The following COL28A1 variants were observed in gnomAD, a reference collection of about 807,000 sequenced individuals.
COL28A1 encodes collagen alpha-1(XXVIII) chain.
COL28A1 carries 161 observed loss-of-function variants against 150.2 expected under a neutral mutation model. The ratio of observed to expected loss-of-function variants is 1.07; its 90% CI spans 0.94 to 1.22. COL28A1 has a LOEUF of 1.22. COL28A1 is among the 50% of genes most tolerant of loss of function. The pLI, the probability that COL28A1 is intolerant of heterozygous loss-of-function variation, is 0.00. For synonymous variants in COL28A1, 552 were observed against 469.7 expected (o/e 1.18, Z -2.26); for missense variants, 1,617 against 1,388.3 (o/e 1.16, Z -2.62).
At chr7:7,525,707 C>T (rs779604084) in intron 3 of COL28A1, among the ~76,000 whole-genome samples, 9 of 152,006 alleles carry the variant, frequency 5.9e-5, no homozygotes, top group African/African-American at 9.7e-5. Context: ...TATAGAGGGA[C>T]GAGATAACAA....
intron 27 of COL28A1, among the ~76,000 whole-genome samples, chr7:7,407,679 A>T (rs1008443135): frequency 3.3e-5 from 5 of 152,118 alleles, no homozygotes; most frequent in African/African-American, 9.6e-5. Context: ...TACCAAAAAA[A>T]ATTCTAAAGA....
At chr7:7,515,128 A>G (rs371034135) in intron 8 of COL28A1, among the ~76,000 whole-genome samples, 64 of 152,300 alleles carry the variant, frequency 4.2e-4, no homozygotes, top group African/African-American at 1.4e-3. Context: ...TGATAGGTGC[A>G]TGTTCTGATT....
At chr7:7,506,857 C>A (rs1224527258) in intron 10 of COL28A1, among the ~76,000 whole-genome samples, 1 of 152,150 alleles carries the variant, frequency 6.6e-6, no homozygotes, top group South Asian at 2.1e-4. Context: ...AACTTCATCC[C>A]CTAAGCTGCT....
At chr7:7,352,352 G>A (rs1780249652), downstream of COL28A1, among the ~76,000 whole-genome samples, 1 of 152,192 alleles carries the variant, frequency 6.6e-6, no homozygotes, top group East Asian at 1.9e-4. Flanking sequence ...TGGCCCCAGA[G>A]ATGTCTGCTC....
At chr7:7,407,400 A>G (rs1783547610) in intron 27 of COL28A1, among the ~76,000 whole-genome samples, 3 of 151,986 alleles carry the variant, frequency 2.0e-5, no homozygotes, top group Non-Finnish European at 4.4e-5. Flanking sequence ...AACACATAAT[A>G]GTAAGAATGC....
At chr7:7,475,760 C>CA (rs1788816445) in intron 14 of COL28A1, among the ~76,000 whole-genome samples, 1 of 151,932 alleles carries the variant, frequency 6.6e-6, no homozygotes, top group Admixed American at 6.6e-5. Context: ...TACTAAGTGC[C>CA]AAAAAAATCT....
At chr7:7,511,515 G>C in intron 8 of COL28A1, 2 of 276,620 alleles carry the variant, frequency 7.2e-6, no homozygotes, top group Non-Finnish European at 1.4e-5. Context: ...TTTTATAATT[G>C]AGAACATTTA....
At chr7:7,432,189 T>C (rs1425221994) in intron 25 of COL28A1, among the ~76,000 whole-genome samples, 4 of 151,936 alleles carry the variant, frequency 2.6e-5, no homozygotes, top group Non-Finnish European at 5.9e-5. Context: ...AGAGTATGGC[T>C]AGAGGAGAGA....
chr7:7,373,607 G>T lies in COL28A1; in HGVS notation c.2360-61C>A. ...AATGATTGACATCAGATTGTTGAGG[G>T]GAGGGGAGAAAAAGTCAATGATGAA... On this transcript the variant is annotated intron_variant, in intron 31 of 34. Transcript: ENST00000399429. This position sits in a 1 kb window ranked among gnomAD's most constrained non-coding sequence, Gnocchi z 4.1. 7.1e-7 allele frequency: 1 copy of T among 1,415,356 alleles called. No individual in the cohort carries two copies. Among genetic ancestry groups the T allele is most frequent in the Non-Finnish European group, 9.7e-7 (1 of 1,031,738 alleles). 87.7% of individuals were successfully genotyped at this position (1,415,356 alleles called of 1,614,324 possible).
At chr7:7,365,087 A>C (rs966499744) in intron 33 of COL28A1, among the ~76,000 whole-genome samples, 1 of 152,198 alleles carries the variant, frequency 6.6e-6, no homozygotes, top group Non-Finnish European at 1.5e-5. Context: ...CGACTGGCAG[A>C]ATACACACCC....
At chr7:7,501,697 C>A (rs1780535082) in intron 11 of COL28A1, among the ~76,000 whole-genome samples, 1 of 152,034 alleles carries the variant, frequency 6.6e-6, no homozygotes, top group African/African-American at 2.4e-5. Flanking sequence ...AGGCCTTTTT[C>A]AAGGGTCACA....
the COL28A1 span, among the ~76,000 whole-genome samples, chr7:7,345,252 TA>T: frequency 6.6e-6 from 1 of 151,786 alleles, no homozygotes; most frequent in African/African-American, 2.4e-5. Flanking sequence ...GAGAGAAAAA[TA>T]AAAGTTTCTC....
At chr7:7,486,510 G>A (rs1483072636) in intron 13 of COL28A1, among the ~76,000 whole-genome samples, 1 of 152,140 alleles carries the variant, frequency 6.6e-6, no homozygotes, top group African/African-American at 2.4e-5. Context: ...TCTTTGTCTT[G>A]TTCCTGATCT....
In COL28A1 at chr7:7,373,569, G is replaced by C. The variant is rs1781354007; in HGVS notation, c.2360-23C>G. 4 of 1,577,676 alleles carry C rather than the reference G, an allele frequency of 2.5e-6. No individual in the cohort carries two copies. Among genetic ancestry groups the C allele is most frequent in the Non-Finnish European group, 3.4e-6 (4 of 1,160,080 alleles). On this transcript the variant is annotated intron_variant, in intron 31 of 34. Transcript: ENST00000399429. This position sits in a 1 kb window ranked among gnomAD's most constrained non-coding sequence, Gnocchi z 4.1. ...AACCTAAAAGATGAATGTTGAGAGA[G>C]AAAAATTGTGGGAATGATTGACATC...
chr7:7,460,408 G>C (rs1020607783), intron 15 of COL28A1, among the ~76,000 whole-genome samples: 7 of 151,876 alleles, frequency 4.6e-5, no homozygotes, highest in African/African-American at 1.7e-4. Context: ...TAGAGATGGA[G>C]TCTTGCTCTG....
the COL28A1 span, among the ~76,000 whole-genome samples, chr7:7,342,440 A>G: frequency 7.0e-4 from 107 of 152,184 alleles, 1 homozygote; most frequent in African/African-American, 2.5e-3. Flanking sequence ...ATAATTATGA[A>G]TACGTTTTGG....
chr7:7,377,903 G>A (rs1032734985), intron 30 of COL28A1, among the ~76,000 whole-genome samples: 2 of 152,032 alleles, frequency 1.3e-5, no homozygotes, highest in Non-Finnish European at 2.9e-5. Flanking sequence ...AGAATGAGGG[G>A]CTTGGTGAAT....
Position 7,535,159 on chromosome 7 carries a change from A to G in COL28A1, c.-38+591T>C, listed in dbSNP as rs1782576518. On this transcript the variant is annotated intron_variant, in intron 1 of 34. Transcript: ENST00000399429. ...GAAAGAAATGTGAACCTCTGTGTTTACTATAGGTTACATTTTATAAATGCA... is the reference window on the plus strand; with the variant it reads ...GAAAGAAATGTGAACCTCTGTGTTTGCTATAGGTTACATTTTATAAATGCA... 2.6e-5 allele frequency among the ~76,000 whole-genome samples: 4 copies of G among 152,304 alleles called. No individual in the cohort carries two copies. The South Asian group carries it at 8.3e-4, about 32-fold the overall frequency.
intron 27 of COL28A1, among the ~76,000 whole-genome samples, chr7:7,389,934 T>C (rs905748297): frequency 2.6e-5 from 4 of 151,994 alleles, no homozygotes; most frequent in South Asian, 2.1e-4. Flanking sequence ...AACCACGTCA[T>C]CTGTAGGGAC....
Sources: gnomAD v4.1 joint callset for allele counts (sites outside exome capture counted in the v4.1 genomes callset) on GRCh38, gnomAD v4.1.1 for gene constraint, Gnocchi (gnomAD v3.1) non-coding constraint, MANE v1.5 for transcripts, NCBI Gene and HGNC (gene_info 2026-07-23, HGNC 2026-07-21) for gene names.